Variants in IL1RAPL2 observed in about 807,000 individuals in gnomAD.
The protein encoded by IL1RAPL2 is X-linked interleukin-1 receptor accessory protein-like 2.
IL1RAPL2 carries 3 observed loss-of-function variants against 44.1 expected under a neutral mutation model. The ratio of observed to expected loss-of-function variants is 0.07; its 90% CI spans 0.03 to 0.18. The LOEUF is 0.18. Ranked by LOEUF, IL1RAPL2 falls within the 10% of genes least tolerant of loss-of-function variation. The pLI, the probability that IL1RAPL2 is intolerant of heterozygous loss-of-function variation, is 1.00. For missense variants in IL1RAPL2, 391 were observed against 496.4 expected (o/e 0.79, Z 2.02); for synonymous variants, 181 against 178.8 (o/e 1.01, Z -0.10).
chrX:104,672,466 T>C (rs1930630185), intron 2 of IL1RAPL2, among the ~76,000 whole-genome samples: 1 of 109,128 alleles, frequency 9.2e-6, no homozygotes, highest in Non-Finnish European at 1.9e-5. Flanking sequence ...ATGGTGTATA[T>C]GTGCCACATT....
At chrX:105,507,983 C>G (rs1328546202) in intron 6 of IL1RAPL2, among the ~76,000 whole-genome samples, 1 of 110,930 alleles carries the variant, frequency 9.0e-6, no homozygotes, top group Non-Finnish European at 1.9e-5. Flanking sequence ...AGGAGAAAAT[C>G]CCTAATGAGA....
chrX:105,320,550 T>C (rs2147687270), intron 5 of IL1RAPL2, among the ~76,000 whole-genome samples: 1 of 111,096 alleles, frequency 9.0e-6, no homozygotes, highest in South Asian at 3.8e-4. Flanking sequence ...TGTGAGTATA[T>C]TGTGTGAGTA....
intron 2 of IL1RAPL2, among the ~76,000 whole-genome samples, chrX:105,035,353 C>A (rs1378962377): frequency 8.9e-6 from 1 of 112,075 alleles, no homozygotes; most frequent in Admixed American, 9.5e-5. Flanking sequence ...GAGCTGTAGA[C>A]TGGAGCTGTT....
intron 2 of IL1RAPL2, among the ~76,000 whole-genome samples, chrX:104,992,457 A>C (rs181379890): frequency 2.7e-5 from 3 of 111,605 alleles, no homozygotes; most frequent in Admixed American, 9.5e-5. Flanking sequence ...TCAAGACATT[A>C]CCAGGATGTG....
intron 2 of IL1RAPL2, among the ~76,000 whole-genome samples, chrX:104,727,248 A>G (rs1931814368): frequency 9.0e-6 from 1 of 111,159 alleles, no homozygotes; most frequent in Non-Finnish European, 1.9e-5. Context: ...AATAACAACA[A>G]CAAAAACAGC....
chrX:105,698,358 T>C (rs959113598), intron 6 of IL1RAPL2, among the ~76,000 whole-genome samples: 8 of 111,802 alleles, frequency 7.2e-5, no homozygotes, highest in African/African-American at 2.6e-4. Flanking sequence ...TTGTAAAGCT[T>C]TCCGAAGATA....
At position 105,178,780 on chromosome X, in the gene IL1RAPL2, T is replaced by C. The variant is rs556040637; in HGVS notation, c.83-16695T>C. Among the ~76,000 whole-genome samples, 3 of 111,964 alleles carry C rather than the reference T, an allele frequency of 2.7e-5. No individual in the cohort carries two copies. The South Asian group carries it at 1.1e-3, about 42-fold the overall frequency. On this transcript the variant is annotated intron_variant, in intron 2 of 10. Coordinates refer to ENST00000372582, the MANE Select transcript of IL1RAPL2 (RefSeq NM_017416.2). ...GCATTTTTCATATATCTGTTAGCCA[T>C]TTATATGTCTTCTTTTGAGAAGTGT...
intron 2 of IL1RAPL2, among the ~76,000 whole-genome samples, chrX:104,983,472 ATAT>A (rs1478154938): frequency 6.5e-4 from 65 of 100,418 alleles, no homozygotes; most frequent in Non-Finnish European, 1.1e-3. Flanking sequence ...TAGATACATA[ATAT>A]TATATAATAT....
rs182371826 is a variant in IL1RAPL2 at position 105,601,358 on chromosome X, G to A, written c.773-116009G>A. On this transcript the variant is annotated intron_variant, in intron 6 of 10. Transcript: ENST00000372582. ...GAAGGACCAAAACAAGTAGATAACA[G>A]CAAATTGAGTAGAATGTCTGTGAGA... Among the ~76,000 whole-genome samples the A allele has an allele frequency of 7.2e-5, 8 of 111,149 alleles. No homozygotes were observed. In the East Asian group the frequency reaches 2.3e-3, roughly 32 times the overall value.
chrX:105,584,719 G>A (rs1362878626), intron 6 of IL1RAPL2, among the ~76,000 whole-genome samples: 3 of 111,138 alleles, frequency 2.7e-5, no homozygotes, highest in Non-Finnish European at 5.7e-5. Context: ...ACCATATTGT[G>A]TCTTGCATAA....
At chrX:104,900,304 C>G (rs1473253294) in intron 2 of IL1RAPL2, among the ~76,000 whole-genome samples, 1 of 111,375 alleles carries the variant, frequency 9.0e-6, no homozygotes, top group Non-Finnish European at 1.9e-5. Flanking sequence ...TCACATCAAT[C>G]TTTAATTTAC....
At chrX:105,622,424 G>A (rs771284197) in intron 6 of IL1RAPL2, among the ~76,000 whole-genome samples, 4 of 110,205 alleles carry the variant, frequency 3.6e-5, no homozygotes, top group Non-Finnish European at 7.6e-5. Context: ...GAGCTAGAAT[G>A]TGTTTCTCAG....
chrX:104,788,749 A>T (rs1932811452), intron 2 of IL1RAPL2, among the ~76,000 whole-genome samples: 1 of 111,901 alleles, frequency 8.9e-6, no homozygotes, highest in Non-Finnish European at 1.9e-5. Context: ...TACTTAAATG[A>T]TGCAAAAGGC....
intron 2 of IL1RAPL2, among the ~76,000 whole-genome samples, chrX:104,930,676 C>G (rs963450906): frequency 9.0e-6 from 1 of 111,572 alleles, no homozygotes; most frequent in East Asian, 2.8e-4. Flanking sequence ...AAAACTCTTA[C>G]CCTTCGTATT....
intron 2 of IL1RAPL2, among the ~76,000 whole-genome samples, chrX:104,726,437 T>TG (rs1602699346): frequency 1.8e-5 from 2 of 111,859 alleles, no homozygotes; most frequent in African/African-American, 6.5e-5. Flanking sequence ...GTTAGCTTGA[T>TG]GGGGATAGCA....
intron 2 of IL1RAPL2, among the ~76,000 whole-genome samples, chrX:104,709,663 A>G (rs1217996687): frequency 9.0e-6 from 1 of 111,399 alleles, no homozygotes; most frequent in African/African-American, 3.3e-5. Flanking sequence ...TGTTAACATC[A>G]TCAAAACAAA....
intron 2 of IL1RAPL2, among the ~76,000 whole-genome samples, chrX:104,947,550 G>T (rs1925417951): frequency 9.6e-6 from 1 of 103,760 alleles, no homozygotes; most frequent in Non-Finnish European, 2.0e-5. Flanking sequence ...ATGGTTTTAG[G>T]TCTAACATTT....
intron 2 of IL1RAPL2, among the ~76,000 whole-genome samples, chrX:104,666,099 G>T (rs1444966420): frequency 9.2e-6 from 1 of 108,395 alleles, no homozygotes; most frequent in Non-Finnish European, 1.9e-5. Context: ...CCTTAAAAGT[G>T]TGTGTGTGTG....
intron 2 of IL1RAPL2, among the ~76,000 whole-genome samples, chrX:104,731,480 G>A (rs1010984898): frequency 9.0e-6 from 1 of 111,403 alleles, no homozygotes; most frequent in Non-Finnish European, 1.9e-5. Context: ...TCTACTCACT[G>A]CAGCCTCCAC....
Sources: allele counts gnomAD v4.1 joint callset (sites outside exome capture counted in the v4.1 genomes callset), GRCh38; gene constraint gnomAD v4.1.1; transcripts MANE v1.5; gene names NCBI Gene and HGNC (gene_info 2026-07-23, HGNC 2026-07-21).